The following UBAP2L variants were observed in gnomAD, a reference collection of about 807,000 sequenced individuals.
The protein encoded by UBAP2L is ubiquitin-associated protein 2-like.
In UBAP2L, 12 loss-of-function variants were observed where a neutral mutation model predicts 130.6. The observed-to-expected ratio is 0.09, with a 90% CI of 0.06 to 0.15. UBAP2L has a LOEUF of 0.15. UBAP2L is among the 10% of genes least tolerant of loss of function. The probability of loss-of-function intolerance (pLI) is 1.00; values close to 1 mark genes in which losing one functional copy is unlikely to be tolerated. For missense variants in UBAP2L, 965 were observed against 1,332.5 expected, an observed-to-expected ratio of 0.72 and a Z score of 4.29; for synonymous variants, 503 against 524.7, an observed-to-expected ratio of 0.96 and a Z score of 0.57.
chr1:154,240,757 A>G (rs1016655156), intron 8 of UBAP2L, among the ~76,000 whole-genome samples: 19 of 151,630 alleles, frequency 1.3e-4, no homozygotes, highest in African/African-American at 4.6e-4. Flanking sequence ...GTGTTTCTCT[A>G]TCAGTGCTAC....
At chr1:154,223,572 A>G (rs1387601003) in intron 1 of UBAP2L, among the ~76,000 whole-genome samples, 5 of 152,032 alleles carry the variant, frequency 3.3e-5, no homozygotes, top group African/African-American at 1.2e-4. Flanking sequence ...ACCTGGGAAA[A>G]TGGGCTACTG....
upstream of UBAP2L, chr1:154,220,545 C>A: frequency 1.2e-6 from 1 of 862,088 alleles, no homozygotes; most frequent in South Asian, 1.5e-5. Flanking sequence ...CCAAGCCAGA[C>A]CCGGCCTGAA....
chr1:154,235,414 A>G, intron 6 of UBAP2L, 123 bp downstream of exon 6: 1 of 595,442 alleles, frequency 1.7e-6, no homozygotes, highest in Non-Finnish European at 3.0e-6. Flanking sequence ...GTGCAGTGGC[A>G]CAGTCATAGC....
rs1678799772 is a variant in UBAP2L at position 154,254,080 on chromosome 1, T to C, written c.1845T>C (p.Thr615=). ...SISSSPQKDL[T]QAKNGFSSVQ... ...CTTCATCACCCCAAAAGGACCTGAC[T>C]CAGGCAAAGGTAGTGGCTTCATGAA... The change falls in exon 15 of 27, where the codon ACT becomes ACC. Residue 615 remains threonine (T), a synonymous_variant. Transcript: ENST00000428931. 6.4e-7 allele frequency: 1 copy of C among 1,560,390 alleles called. No homozygotes were observed. Among genetic ancestry groups the C allele is most frequent in the South Asian group, 1.2e-5 (1 of 82,826 alleles).
rs1297601409 is a variant in UBAP2L, at chr1:154,268,782, A to G, written c.2996A>G (p.His999Arg). The G allele has an allele frequency of 6.2e-7, 1 of 1,614,116 alleles. No homozygotes were observed. Among genetic ancestry groups the G allele is most frequent in the South Asian group, 1.1e-5 (1 of 91,086 alleles). The part of the protein sequence containing the change: ...TQQSFEKQGF[H>R]SGTPAASFNL... ...CAGTCCTTTGAGAAACAAGGTTTTC[A>G]TTCCGGTACTCCTGCTGCTTCCTTC... Residue 999 changes from histidine (H) to arginine (R), a missense_variant, in exon 26 of 27, where the codon CAT becomes CGT. By Grantham distance (29) the His-to-Arg change is conservative (BLOSUM62 0). This residue lies in a region of UBAP2L where 194 missense variants were observed against 334.0 expected (regional missense o/e 0.58). Transcript: ENST00000428931.
chr1:154,241,736 A>G, intron 9 of UBAP2L, 171 bp downstream of exon 9: 1 of 985,444 alleles, frequency 1.0e-6, no homozygotes, highest in Non-Finnish European at 1.2e-6. Flanking sequence ...TGTTATATGA[A>G]GGAGACTGGG....
At position 154,268,830 on chromosome 1, in the gene UBAP2L, G is replaced by C; in HGVS notation, c.3044G>C (p.Ser1015Thr). Reference protein sequence around the residue: ...ASFNLPSALGSGGPINPATAA... With the variant: ...ASFNLPSALGTGGPINPATAA... ...TTCAACTTGCCTTCAGCCCTAGGAA[G>C]TGGGGGCCCCATCAATCCGGCCACA... The change falls in exon 26 of 27, where the codon AGT becomes ACT. Residue 1015 changes from serine (S) to threonine (T), a missense_variant. This residue lies in a region of UBAP2L where 194 missense variants were observed against 334.0 expected (regional missense o/e 0.58). Coordinates refer to ENST00000428931, the MANE Select transcript of UBAP2L (RefSeq NM_014847.4). The C allele has an allele frequency of 6.2e-7, 1 of 1,614,162 alleles. No individual in the cohort carries two copies. Among genetic ancestry groups the C allele is most frequent in the Non-Finnish European group, 8.5e-7 (1 of 1,180,038 alleles).
At chr1:154,246,458 G>T in intron 11 of UBAP2L, 83 bp downstream of exon 11, 1 of 1,471,076 alleles carries the variant, frequency 6.8e-7, no homozygotes, top group Non-Finnish European at 9.1e-7. Flanking sequence ...AAGACAGTCA[G>T]GTTTTTGGCA....
At chr1:154,223,240 T>C (rs998899335) in intron 1 of UBAP2L, among the ~76,000 whole-genome samples, 1 of 152,228 alleles carries the variant, frequency 6.6e-6, no homozygotes, top group Non-Finnish European at 1.5e-5. Context: ...GACTTTTTAA[T>C]ATGTTTACAT....
At chr1:154,254,283 G>A (rs1678871972) in intron 15 of UBAP2L, among the ~76,000 whole-genome samples, 194 bp downstream of exon 15, 3 of 152,322 alleles carry the variant, frequency 2.0e-5, no homozygotes, top group Admixed American at 2.0e-4. Flanking sequence ...TGAAGAGCCA[G>A]GAAACCATTC....
intron 22 of UBAP2L, 42 bp from the exon 23 acceptor site, chr1:154,260,850 T>TG: frequency 6.3e-7 from 1 of 1,583,446 alleles, no homozygotes; most frequent in Non-Finnish European, 8.7e-7. Context: ...GTATTGGTAT[T>TG]GGGGTGAAAG....
At chr1:154,259,848 A>G in intron 21 of UBAP2L, 100 bp from the exon 22 acceptor site, 1 of 1,261,568 alleles carries the variant, frequency 7.9e-7, no homozygotes, top group South Asian at 1.2e-5. Flanking sequence ...GATAAATTGC[A>G]CAACTCTCAC....
chr1:154,232,431 T>A (rs945884168), intron 4 of UBAP2L, among the ~76,000 whole-genome samples: 31 of 152,328 alleles, frequency 2.0e-4, no homozygotes, highest in Non-Finnish European at 3.1e-4. Flanking sequence ...TGCATTTTTT[T>A]AAAAACTTTT....
At chr1:154,227,584 TC>T (rs1383646930) in intron 3 of UBAP2L, among the ~76,000 whole-genome samples, 2 of 151,690 alleles carry the variant, frequency 1.3e-5, no homozygotes, top group African/African-American at 4.8e-5. Flanking sequence ...TCTCACTCTG[TC>T]ACCCAGGCTG....
chr1:154,228,866 TCAC>T (rs1237364408), intron 4 of UBAP2L, 141 bp downstream of exon 4: 1 of 538,736 alleles, frequency 1.9e-6, no homozygotes, highest in Non-Finnish European at 3.3e-6. Flanking sequence ...TGGAGATTGT[TCAC>T]CACAGGTTAT....
intron 8 of UBAP2L, among the ~76,000 whole-genome samples, chr1:154,239,766 T>C (rs1180609604): frequency 6.6e-6 from 1 of 152,226 alleles, no homozygotes; most frequent in Non-Finnish European, 1.5e-5. Context: ...TGTGTATAAG[T>C]GCTAATGCAA....
chr1:154,267,878 G>GTTT (rs1558238296), intron 25 of UBAP2L, among the ~76,000 whole-genome samples: 1 of 62,734 alleles, frequency 1.6e-5, no homozygotes, highest in African/African-American at 5.7e-5. Context: ...CTCTTATTTG[G>GTTT]TCTTTTTTTT....
intron 17 of UBAP2L, 138 bp from the exon 18 acceptor site, chr1:154,255,545 C>G: frequency 8.6e-7 from 1 of 1,161,054 alleles, no homozygotes; most frequent in Non-Finnish European, 1.2e-6. Context: ...CCCTGGCTGG[C>G]CATTGTGCTT....
intron 25 of UBAP2L, among the ~76,000 whole-genome samples, chr1:154,267,336 A>G (rs528622046): frequency 2.0e-5 from 3 of 151,560 alleles, no homozygotes; most frequent in Non-Finnish European, 4.4e-5. Flanking sequence ...TGTATTTTTT[A>G]GTAGAGACGG....
Sources: gnomAD v4.1 joint callset for allele counts (sites outside exome capture counted in the v4.1 genomes callset) on GRCh38, gnomAD v4.1.1 for gene constraint, gnomAD v4.1.1 regional missense constraint, MANE v1.5 for transcripts, NCBI Gene and HGNC (gene_info 2026-07-23, HGNC 2026-07-21) for gene names.